ZNF404: variants seen among roughly 807,000 people sequenced by gnomAD.
ZNF404 encodes the protein zinc finger protein 404.
ZNF404 carries 7 observed loss-of-function variants against 7.3 expected under a neutral mutation model. The ratio of observed to expected loss-of-function variants is 0.95; its 90% CI spans 0.54 to 1.79. The LOEUF is 1.79. ZNF404 is among the 40% of genes most tolerant of loss of function. The probability of loss-of-function intolerance (pLI) is 0.00; values close to 1 mark genes in which losing one functional copy is unlikely to be tolerated. For synonymous variants in ZNF404, 191 were observed against 209.9 expected (o/e 0.91, Z 0.78); for missense variants, 560 against 661.5 (o/e 0.85, Z 1.68).
chr19:43,872,759 A>G lies in ZNF404; in HGVS notation c.1455T>C (p.His485=). The change falls in exon 3 of 3, where the codon CAT becomes CAC. Residue 485 remains histidine, a synonymous_variant. Coordinates refer to ENST00000587539, the MANE Select transcript of ZNF404 (RefSeq NM_001033719.3). The surrounding 1 kb of genome is among the most constrained non-coding windows in gnomAD (Gnocchi z 4.4). ...AFRSISGLSQ[H]KRIHTGEKPY... is the part of the protein sequence containing the mutation. ...GTTTTTCACCAGTATGAATTCTCTTATGTTGAGAAAGACCTGAGATAGAAC... is the reference window on the plus strand; with the variant it reads ...GTTTTTCACCAGTATGAATTCTCTTGTGTTGAGAAAGACCTGAGATAGAAC... 6.2e-7 allele frequency: 1 copy of G among 1,612,688 alleles called. No homozygotes were observed. Among genetic ancestry groups the G allele is most frequent in the East Asian group, 2.2e-5 (1 of 44,850 alleles).
chr19:43,880,542 G>A (rs1971887466), intron 1 of ZNF404, among the ~76,000 whole-genome samples: 1 of 152,070 alleles, frequency 6.6e-6, no homozygotes, highest in Non-Finnish European at 1.5e-5. Flanking sequence ...TCCCCCAATT[G>A]TATTATAAAA....
Position 43,874,052 on chromosome 19 carries a change from G to A in ZNF404, c.162C>T (p.Asn54=), listed in dbSNP as rs772716518. ...AATTTCTTTTTTCTGAAGATAACTT[G>A]TTGCTTTCAGTTGTGAAATTAAAGT... The part of the protein sequence containing the change: ...SLDFNFTTES[N]KLSSEKRNYE... Residue 54 remains asparagine (N), a synonymous_variant, in exon 3 of 3, where the codon AAC becomes AAT. Coordinates refer to ENST00000587539, the MANE Select transcript of ZNF404 (RefSeq NM_001033719.3). 4.0e-5 allele frequency: 63 copies of A among 1,566,022 alleles called. No individual in the cohort carries two copies. The Admixed American group carries it at 9.7e-4, about 24-fold the overall frequency.
chr19:43,880,071 C>T lies in ZNF404; in HGVS notation c.75G>A (p.Ser25=), dbSNP rs368554205. 1.9e-5 allele frequency: 31 copies of T among 1,613,638 alleles called. No homozygotes were observed. In the East Asian group the frequency reaches 5.8e-4, roughly 30 times the overall value. The change falls in exon 2 of 3, where the codon TCG becomes TCA. Residue 25 remains serine (S), a synonymous_variant. Coordinates refer to ENST00000587539, the MANE Select transcript of ZNF404 (RefSeq NM_001033719.3). ...CATCTCTGTACAAATCCCTCTGATC[C>T]GAGTTTAAATATTCCCACTCCTCCT... The part of the protein sequence containing the change: ...FSQEEWEYLN[S]DQRDLYRDVM...
chr19:43,873,078 C>A lies in ZNF404; in HGVS notation c.1136G>T (p.Gly379Val). The A allele has an allele frequency of 6.2e-7, 1 of 1,612,776 alleles. No individual in the cohort carries two copies. Among genetic ancestry groups the A allele is most frequent in the Non-Finnish European group, 8.5e-7 (1 of 1,179,298 alleles). ...QLTQHQRIHTGEKPHECKECG... is the reference protein window; with the variant it reads ...QLTQHQRIHTVEKPHECKECG... ...TTCTTTACATTCATGTGGCTTCTCA[C>A]CAGTATGAATTCTCTGATGCTGTGT... Residue 379 changes from glycine to valine, a missense_variant, in exon 3 of 3, where the codon GGT (glycine) becomes GTT (valine). Transcript: ENST00000587539.
Position 43,874,032 on chromosome 19 carries a change from C to CT in ZNF404, c.181dup (p.Arg61LysfsTer4). On this transcript the variant is annotated frameshift_variant, in exon 3 of 3. Transcript: ENST00000587539. LOFTEE classifies it low-confidence loss of function (END_TRUNC). ...ATGGTACGCATTTACTTCATAATTTCTTTTTTCTGAAGATAACTTGTTGCT... is the reference window on the plus strand; with the variant it reads ...ATGGTACGCATTTACTTCATAATTTCTTTTTTTCTGAAGATAACTTGTTGCT... The CT allele has an allele frequency of 6.3e-7, 1 of 1,581,788 alleles. No individual in the cohort carries two copies. The highest frequency in any genetic ancestry group is 8.5e-7 in the Non-Finnish European group (1 of 1,171,470).
In ZNF404 at chr19:43,874,014, G is replaced by A. The variant is rs752226766; in HGVS notation, c.200C>T (p.Ala67Val). Residue 67 changes from alanine (A) to valine (V), a missense_variant, in exon 3 of 3, where the codon GCG becomes GTG. Physicochemically the swap from Ala to Val is moderately conservative, Grantham distance 64 (BLOSUM62 0). Transcript: ENST00000587539. ...SSEKRNYEVN[A>V]YHQETWKRNK... ...TCTTTTCCATGTCTCCTGATGGTAC[G>A]CATTTACTTCATAATTTCTTTTTTC... The A allele has an allele frequency of 8.8e-6, 14 of 1,592,386 alleles. No individual in the cohort carries two copies. The highest frequency in any genetic ancestry group is 3.4e-4 in the Middle Eastern group (2 of 5,912).
intron 2 of ZNF404, among the ~76,000 whole-genome samples, chr19:43,876,803 T>C (rs1156679014): frequency 6.6e-6 from 1 of 152,230 alleles, no homozygotes; most frequent in Non-Finnish European, 1.5e-5. Context: ...GCTACTTCTC[T>C]GGTATTCTTC....
chr19:43,875,248 A>G (rs1211484840), intron 2 of ZNF404, among the ~76,000 whole-genome samples: 2 of 152,142 alleles, frequency 1.3e-5, no homozygotes, highest in Non-Finnish European at 2.9e-5. Flanking sequence ...ATCTCAATCA[A>G]AGTAATCACG....
intron 2 of ZNF404, among the ~76,000 whole-genome samples, chr19:43,877,604 T>C (rs1971859034): frequency 6.6e-6 from 1 of 151,744 alleles, no homozygotes; most frequent in Admixed American, 6.6e-5. Context: ...TTATTATACT[T>C]TAAGTTTTAG....
chr19:43,878,376 T>A (rs942158481), intron 2 of ZNF404, among the ~76,000 whole-genome samples: 14 of 152,108 alleles, frequency 9.2e-5, no homozygotes, highest in Non-Finnish European at 1.8e-4. Context: ...TGCATAAATG[T>A]CTTCTTTTGA....
chr19:43,873,778 G>C lies in ZNF404; in HGVS notation c.436C>G (p.Leu146Val). 1 of 1,587,010 alleles carries C rather than the reference G, an allele frequency of 6.3e-7. No individual in the cohort carries two copies. Among genetic ancestry groups the C allele is most frequent in the Non-Finnish European group, 8.5e-7 (1 of 1,179,068 alleles). ...YKKGFRKYLHLTEHLRDHTGV... is the reference protein window; with the variant it reads ...YKKGFRKYLHVTEHLRDHTGV... ...GTATGGTCTCTCAGATGTTCAGTAA[G>C]GTGCAAATATTTTCTAAAGCCCTTC... Residue 146 changes from leucine (L) to valine (V), a missense_variant, in exon 3 of 3, where the codon CTT becomes GTT. Coordinates refer to ENST00000587539, the MANE Select transcript of ZNF404 (RefSeq NM_001033719.3).
At chr19:43,881,417 A>G (rs1025296563) in intron 1 of ZNF404, among the ~76,000 whole-genome samples, 1 of 152,248 alleles carries the variant, frequency 6.6e-6, no homozygotes, top group Non-Finnish European at 1.5e-5. Context: ...TTAAACATAA[A>G]TGGCATTTTA....
Position 43,872,510 on chromosome 19 carries a change from G to T in ZNF404, c.*45C>A. 2 of 1,447,204 alleles carry T rather than the reference G, an allele frequency of 1.4e-6. No homozygotes were observed. The highest frequency in any genetic ancestry group is 1.9e-6 in the Non-Finnish European group (2 of 1,080,820). The allele number at this position is 1,447,204 out of a possible 1,614,324, so 89.6% of individuals were successfully genotyped here. On this transcript the variant is annotated 3_prime_UTR_variant, in exon 3 of 3. Coordinates refer to ENST00000587539, the MANE Select transcript of ZNF404 (RefSeq NM_001033719.3). This position sits in a 1 kb window ranked among gnomAD's most constrained non-coding sequence, Gnocchi z 4.4. ...TAATCTTCACTATAGCATCATAATAGTGACAACAGTAAAAATGTGCCATGG... is the reference window on the plus strand; with the variant it reads ...TAATCTTCACTATAGCATCATAATATTGACAACAGTAAAAATGTGCCATGG...
Position 43,872,516 on chromosome 19 carries a change from A to G in ZNF404, c.*39T>C, listed in dbSNP as rs373267221. 76 of 1,473,126 alleles carry G rather than the reference A, an allele frequency of 5.2e-5. No individual in the cohort carries two copies. The African/African-American group carries it at 9.8e-4, about 19-fold the overall frequency. 91.3% of individuals were successfully genotyped at this position (1,473,126 alleles called of 1,614,324 possible). On this transcript the variant is annotated 3_prime_UTR_variant, in exon 3 of 3. Transcript: ENST00000587539. The surrounding 1 kb of genome is among the most constrained non-coding windows in gnomAD (Gnocchi z 4.4). Reference sequence around the variant, plus strand: ...TCACTATAGCATCATAATAGTGACAACAGTAAAAATGTGCCATGGCTAAAG... The same window carrying G: ...TCACTATAGCATCATAATAGTGACAGCAGTAAAAATGTGCCATGGCTAAAG...
chr19:43,878,931 G>C (rs7258418), intron 2 of ZNF404, among the ~76,000 whole-genome samples: 84,495 of 151,966 alleles, frequency 0.56, 24,037 homozygotes, highest in East Asian at 0.82. Flanking sequence ...GTGGAAGATA[G>C]CATCATCTGA....
Position 43,873,540 on chromosome 19 carries a change from C to T in ZNF404, c.674G>A (p.Arg225Lys). Reference sequence around the variant, plus strand: ...ATGTTCTGTAAGGTGAGAATGACGTCTAAAAGCCTTCCCGCATTGCTTACA... The same window carrying T: ...ATGTTCTGTAAGGTGAGAATGACGTTTAAAAGCCTTCCCGCATTGCTTACA... ...YECKQCGKAF[R>K]RHSHLTEHQK... The change falls in exon 3 of 3, where the codon AGA (arginine) becomes AAA (lysine). Residue 225 changes from arginine to lysine, a missense_variant. Physicochemically the swap from Arg to Lys is conservative, Grantham distance 26 (BLOSUM62 2). Coordinates refer to ENST00000587539, the MANE Select transcript of ZNF404 (RefSeq NM_001033719.3). 1 of 1,613,490 alleles carries T rather than the reference C, an allele frequency of 6.2e-7. No homozygotes were observed. The highest frequency in any genetic ancestry group is 8.5e-7 in the Non-Finnish European group (1 of 1,179,592).
In ZNF404 at chr19:43,872,920, T is replaced by C. The variant is rs1411988531; in HGVS notation, c.1294A>G (p.Ile432Val). The change falls in exon 3 of 3, where the codon ATT becomes GTT. Residue 432 changes from isoleucine (I) to valine (V), a missense_variant. Transcript: ENST00000587539. This position sits in a 1 kb window ranked among gnomAD's most constrained non-coding sequence, Gnocchi z 4.4. ...TCATAGGGTTTCTCCCCAGCATGAA[T>C]TGATTGATGTGTCTTAAGGTCTCCA... Reference protein sequence around the residue: ...RVGDLKTHQSIHAGEKPYECK... With the variant: ...RVGDLKTHQSVHAGEKPYECK... The C allele has an allele frequency of 6.2e-7, 1 of 1,608,248 alleles. No individual in the cohort carries two copies. Among genetic ancestry groups the C allele is most frequent in the South Asian group, 1.1e-5 (1 of 90,368 alleles).
chr19:43,882,806 A>AG (rs1870869271), intron 1 of ZNF404, among the ~76,000 whole-genome samples: 1 of 151,826 alleles, frequency 6.6e-6, no homozygotes. Flanking sequence ...AAAAAAAAAA[A>AG]AAATTAAAAA....
In ZNF404 at chr19:43,873,024, T is replaced by C. The variant is rs1971823211; in HGVS notation, c.1190A>G (p.Tyr397Cys). ...ATGAATTATCTGATGTTGAATAAGATATGAATGAAGCTTAAAAGTCTTCCC... is the reference window on the plus strand; with the variant it reads ...ATGAATTATCTGATGTTGAATAAGACATGAATGAAGCTTAAAAGTCTTCCC... ...ECGKTFKLHS[Y>C]LIQHQIIHTD... Residue 397 changes from tyrosine (Y) to cysteine (C), a missense_variant, in exon 3 of 3, where the codon TAT becomes TGT. Tyr to Cys is a radical substitution (Grantham distance 194). Transcript: ENST00000587539. 1.2e-6 allele frequency: 2 copies of C among 1,605,220 alleles called. No homozygotes were observed. The highest frequency in any genetic ancestry group is 2.7e-5 in the African/African-American group (2 of 74,814).
Sources: allele counts gnomAD v4.1 joint callset (sites outside exome capture counted in the v4.1 genomes callset), GRCh38; gene constraint gnomAD v4.1.1; non-coding constraint Gnocchi (gnomAD v3.1); transcripts MANE v1.5; gene names NCBI Gene and HGNC (gene_info 2026-07-23, HGNC 2026-07-21).